EIF3J: variants seen among roughly 807,000 people sequenced by gnomAD.
EIF3J encodes eukaryotic translation initiation factor 3 subunit J.
A neutral mutation model predicts 39.0 loss-of-function variants in EIF3J; 15 were observed. That is an observed-to-expected ratio of 0.38 (90% CI 0.26 to 0.59). The LOEUF is 0.59. Ranked by LOEUF, EIF3J falls within the 20% of genes least tolerant of loss-of-function variation. The pLI is 0.60. For missense variants in EIF3J, 226 were observed against 308.6 expected, an observed-to-expected ratio of 0.73 and a Z score of 2.00; for synonymous variants, 98 against 112.9, an observed-to-expected ratio of 0.87 and a Z score of 0.84.
In EIF3J at chr15:44,550,907, AAG is replaced by A; in HGVS notation, c.182_183del (p.Glu61GlyfsTer35). 6.2e-7 allele frequency: 1 copy of A among 1,610,254 alleles called. No individual in the cohort carries two copies. Among genetic ancestry groups the A allele is most frequent in the Non-Finnish European group, 8.5e-7 (1 of 1,177,714 alleles). On this transcript the variant is annotated frameshift_variant, in exon 3 of 8. Transcript: ENST00000261868. LOFTEE classifies it high-confidence loss of function. ...TGGGATGACGATGATGATGAAAAAAAAGAGGAAGCAGAAGTAAAACCAGGTGA... is the reference window on the plus strand; with the variant it reads ...TGGGATGACGATGATGATGAAAAAAAAGGAAGCAGAAGTAAAACCAGGTGA...
intron 2 of EIF3J, among the ~76,000 whole-genome samples, chr15:44,540,130 G>T (rs1739586319): frequency 6.7e-6 from 1 of 148,824 alleles, no homozygotes; most frequent in African/African-American, 2.5e-5. Context: ...GTAGAGACGG[G>T]GTTTCACCAT....
chr15:44,557,441 A>T (rs544620752), intron 5 of EIF3J, 48 bp from the exon 6 acceptor site: 15 of 1,402,828 alleles, frequency 1.1e-5, no homozygotes, highest in East Asian at 2.7e-5. Flanking sequence ...TTTCATTTTT[A>T]AAAATCCTAA....
intron 4 of EIF3J, 60 bp from the exon 5 acceptor site, chr15:44,554,493 A>G (rs569663858): frequency 2.1e-6 from 2 of 947,640 alleles, no homozygotes; most frequent in Non-Finnish European, 1.6e-6. Flanking sequence ...CGTACAATAC[A>G]GAAAGGTACT....
intron 5 of EIF3J, 38 bp downstream of exon 5, chr15:44,554,705 G>GTA: frequency 1.4e-6 from 2 of 1,392,972 alleles, no homozygotes; most frequent in Non-Finnish European, 2.0e-6. Context: ...GTATTAAACT[G>GTA]TTACAGGTGA....
At chr15:44,539,679 C>T (rs1038685783) in intron 2 of EIF3J, among the ~76,000 whole-genome samples, 15 of 151,550 alleles carry the variant, frequency 9.9e-5, no homozygotes, top group Non-Finnish European at 1.6e-4. Context: ...GGATTACAGG[C>T]GTGAGCCACC....
At chr15:44,538,836 A>G (rs1030527295) in intron 2 of EIF3J, among the ~76,000 whole-genome samples, 9 of 152,120 alleles carry the variant, frequency 5.9e-5, no homozygotes, top group Non-Finnish European at 1.0e-4. Flanking sequence ...TTCCATGCAT[A>G]TAGGAAGTGG....
intron 2 of EIF3J, among the ~76,000 whole-genome samples, chr15:44,550,461 TTTTAA>T (rs1284623306): frequency 6.6e-6 from 1 of 152,088 alleles, no homozygotes; most frequent in Non-Finnish European, 1.5e-5. Flanking sequence ...CCAGTTAATT[TTTTAA>T]TTTTTTTTTT....
intron 2 of EIF3J, 139 bp from the exon 3 acceptor site, chr15:44,550,737 C>T: frequency 1.7e-6 from 1 of 595,568 alleles, no homozygotes; most frequent in Non-Finnish European, 3.0e-6. Flanking sequence ...GATGTCAATT[C>T]CCCCTACATT....
chr15:44,541,526 C>T lies in EIF3J; in HGVS notation c.147+4099C>T, dbSNP rs555596335. 5.3e-5 allele frequency among the ~76,000 whole-genome samples: 8 copies of T among 152,244 alleles called. No individual in the cohort carries two copies. In the South Asian group the frequency reaches 8.3e-4, roughly 16 times the overall value. ...GACCCCAACACATTTAAAGAGAGAGCGATCCTGAAGAACAGATTTAGTTGA... is the reference window on the plus strand; with the variant it reads ...GACCCCAACACATTTAAAGAGAGAGTGATCCTGAAGAACAGATTTAGTTGA... On this transcript the variant is annotated intron_variant, in intron 2 of 7. Coordinates refer to ENST00000261868, the MANE Select transcript of EIF3J (RefSeq NM_003758.4).
chr15:44,547,437 A>ACTCTT (rs1437942257), intron 2 of EIF3J, among the ~76,000 whole-genome samples: 32 of 118,470 alleles, frequency 2.7e-4, no homozygotes, highest in African/African-American at 8.2e-4. Flanking sequence ...GCCGGCCTTG[A>ACTCTT]TTCTTTTTTT....
chr15:44,560,057 C>T (rs74373986), intron 6 of EIF3J, among the ~76,000 whole-genome samples, 192 bp from the exon 7 acceptor site: 14,940 of 152,060 alleles, frequency 0.098, 1,529 homozygotes, highest in African/African-American at 0.24. Context: ...GGCCACCTTA[C>T]GTTTAAAGAG....
chr15:44,557,783 C>T (rs986550308), intron 6 of EIF3J, 133 bp downstream of exon 6: 1 of 581,636 alleles, frequency 1.7e-6, no homozygotes, highest in South Asian at 5.9e-5. Context: ...TAGCAATTAC[C>T]TTGTGAATGT....
chr15:44,540,131 G>A (rs2140889022), intron 2 of EIF3J, among the ~76,000 whole-genome samples: 1 of 149,056 alleles, frequency 6.7e-6, no homozygotes, highest in South Asian at 2.1e-4. Context: ...TAGAGACGGG[G>A]TTTCACCATC....
At chr15:44,537,522 C>T (rs1457310640) in intron 2 of EIF3J, 95 bp downstream of exon 2, 1 of 1,311,174 alleles carries the variant, frequency 7.6e-7, no homozygotes, top group Non-Finnish European at 1.0e-6. Context: ...GCCTGCGGGC[C>T]GTGGGTCCAG....
intron 6 of EIF3J, 115 bp downstream of exon 6, chr15:44,557,765 G>A: frequency 1.4e-6 from 1 of 708,124 alleles, no homozygotes; most frequent in Non-Finnish European, 2.0e-6. Context: ...CTCATGATTT[G>A]CTGTTTTTAG....
In EIF3J at chr15:44,559,720, AAT is replaced by A. The variant is rs1326149099; in HGVS notation, c.572-527_572-526del. ...AGACTCCATCTCAAAAAAAAAAAAA[AAT>A]AATAGTAATTGTCATTTCATGTTTA... On this transcript the variant is annotated intron_variant, in intron 6 of 7. Coordinates refer to ENST00000261868, the MANE Select transcript of EIF3J (RefSeq NM_003758.4). 4.4e-3 allele frequency among the ~76,000 whole-genome samples: 669 copies of A among 151,822 alleles called. 2 individuals carry two copies. The highest frequency in any genetic ancestry group is 0.015 in the African/African-American group (636 of 41,282).
At chr15:44,540,263 ATATATTT>A (rs1424692427) in intron 2 of EIF3J, among the ~76,000 whole-genome samples, 16 of 61,502 alleles carry the variant, frequency 2.6e-4, no homozygotes, top group South Asian at 6.5e-4. Flanking sequence ...ATATATATAT[ATATATTT>A]TTTTTTTTTT....
At chr15:44,551,342 C>A in intron 3 of EIF3J, 89 bp from the exon 4 acceptor site, 1 of 837,336 alleles carries the variant, frequency 1.2e-6, no homozygotes, top group Admixed American at 2.7e-5. Flanking sequence ...AAGGTTTGGT[C>A]TCTTAATAGT....
Position 44,551,461 on chromosome 15 carries a change from C to A in EIF3J, c.233C>A (p.Ala78Glu). 1 of 1,586,728 alleles carries A rather than the reference C, an allele frequency of 6.3e-7. No individual in the cohort carries two copies. The highest frequency in any genetic ancestry group is 8.5e-7 in the Non-Finnish European group (1 of 1,170,692). Residue 78 changes from alanine (A) to glutamate (E), a missense_variant, in exon 4 of 8, where the codon GCA (alanine) becomes GAA (glutamate). Around this residue, in one of 2 missense-constraint regions of EIF3J, gnomAD observed 143 missense variants for 156.0 expected, o/e 0.92. Transcript: ENST00000261868. ...EVKISEKKKIAEKIKEKERQQ... is the reference protein window; with the variant it reads ...EVKISEKKKIEEKIKEKERQQ... ...AAAATTTCAGAAAAGAAAAAAATAG[C>A]AGAGAAGATAAAAGAGAAAGAACGG... is the stretch of plus-strand genomic sequence containing the variant.
Sources: allele counts gnomAD v4.1 joint callset (sites outside exome capture counted in the v4.1 genomes callset), GRCh38; gene constraint gnomAD v4.1.1; regional missense constraint gnomAD v4.1.1; transcripts MANE v1.5; gene names NCBI Gene and HGNC (gene_info 2026-07-23, HGNC 2026-07-21).